Variants in ILKAP observed in about 807,000 individuals in gnomAD.
ILKAP encodes ILK associated serine/threonine phosphatase, also known as integrin-linked kinase-associated serine/threonine phosphatase 2C.
Under a neutral mutation model 49.1 loss-of-function variants are expected in ILKAP, and 11 were observed. The ratio of observed to expected loss-of-function variants is 0.22; its 90% CI spans 0.14 to 0.37. The LOEUF (loss-of-function observed/expected upper bound fraction) is 0.37, where lower values mean the gene tolerates loss of function less well. ILKAP is among the 10% of genes least tolerant of loss of function. The pLI, the probability that ILKAP is intolerant of heterozygous loss-of-function variation, is 1.00. For missense variants in ILKAP, 363 were observed against 510.8 expected (o/e 0.71, Z 2.79); for synonymous variants, 186 against 192.8 (o/e 0.96, Z 0.29).
chr2:238,190,895 AAAAAAAAAAAGGAT>A (rs1173429632), intron 3 of ILKAP, among the ~76,000 whole-genome samples: 13 of 151,558 alleles, frequency 8.6e-5, no homozygotes, highest in African/African-American at 3.1e-4. Flanking sequence ...AAAAAAAAAA[AAAAAAAAAAAGGAT>A]GCAAGTACTT....
chr2:238,199,796 A>G (rs1694495163), intron 1 of ILKAP, among the ~76,000 whole-genome samples: 5 of 151,170 alleles, frequency 3.3e-5, no homozygotes, highest in Admixed American at 3.3e-4. Context: ...TTTTAATCGT[A>G]GAGACAGGGG....
At chr2:238,192,898 A>T (rs559946258) in intron 3 of ILKAP, among the ~76,000 whole-genome samples, 21 of 152,064 alleles carry the variant, frequency 1.4e-4, no homozygotes, top group African/African-American at 4.6e-4. Flanking sequence ...CTGTAGTCCC[A>T]ACTACTCAGG....
intron 1 of ILKAP, among the ~76,000 whole-genome samples, chr2:238,198,031 G>A (rs1473102221): frequency 6.6e-6 from 1 of 151,984 alleles, no homozygotes; most frequent in East Asian, 1.9e-4. Context: ...CCATACATGG[G>A]CACCCTTCCA....
chr2:238,185,572 G>C (rs1574793538), intron 5 of ILKAP: 1 of 274,638 alleles, frequency 3.6e-6, no homozygotes, highest in South Asian at 4.2e-5. Flanking sequence ...GGGAGGCCGA[G>C]GCAGGCGGAT....
Position 238,203,581 on chromosome 2 carries a change from G to C in ILKAP, c.-28C>G, listed in dbSNP as rs1186906325. 4 of 1,145,142 alleles carry C rather than the reference G, an allele frequency of 3.5e-6. No individual in the cohort carries two copies. Among genetic ancestry groups the C allele is most frequent in the Non-Finnish European group, 4.3e-6 (4 of 929,628 alleles). The allele number at this position is 1,145,142 out of a possible 1,614,324, so 70.9% of individuals were successfully genotyped here. A position where few individuals can be genotyped will look rare whatever the true frequency, so the allele number is the denominator to read the frequency against. On this transcript the variant is annotated 5_prime_UTR_variant, in exon 1 of 12. Transcript: ENST00000254654. ...CGGAGGCTGGGTGGAGGCGGCAGCA[G>C]CGACAGACACTCAGCCCGCGAGCAG...
At chr2:238,173,749 AAAG>A in intron 9 of ILKAP, 96 bp from the exon 10 acceptor site, 1 of 1,342,516 alleles carries the variant, frequency 7.4e-7, no homozygotes, top group Non-Finnish European at 1.0e-6. Flanking sequence ...TGGAAGTGTG[AAAG>A]ATACAGACTG....
chr2:238,203,357 G>A (rs1245063324), intron 1 of ILKAP, 142 bp downstream of exon 1: 1 of 220,616 alleles, frequency 4.5e-6, no homozygotes, highest in Non-Finnish European at 8.2e-6. Flanking sequence ...ACGGGGCCTG[G>A]CCAGGCAGGA....
intron 1 of ILKAP, among the ~76,000 whole-genome samples, chr2:238,202,930 G>A (rs964598554): frequency 2.0e-5 from 3 of 151,280 alleles, no homozygotes; most frequent in Admixed American, 6.6e-5. Flanking sequence ...CAAAATCACA[G>A]GATGACAGAG....
chr2:238,175,507 T>G (rs1180293086), intron 9 of ILKAP, among the ~76,000 whole-genome samples: 1 of 152,188 alleles, frequency 6.6e-6, no homozygotes, highest in Admixed American at 6.5e-5. Context: ...TTGGTAACGA[T>G]GAGGCAAGCT....
At chr2:238,184,154 G>GATAATCTTCCCTCCTT in intron 6 of ILKAP, 41 bp from the exon 7 acceptor site, 5 of 1,100,086 alleles carry the variant, frequency 4.5e-6, no homozygotes, top group Non-Finnish European at 7.0e-6. Flanking sequence ...TCTCAAGGAG[G>GATAATCTTCCCTCCTT]GAAGATTATC....
At chr2:238,175,122 CT>C (rs34662576) in intron 9 of ILKAP, among the ~76,000 whole-genome samples, 71 of 147,976 alleles carry the variant, frequency 4.8e-4, no homozygotes, top group Admixed American at 4.7e-4. Flanking sequence ...CTCATTCTCT[CT>C]TTTTTTTTTT....
At chr2:238,203,465 CT>C in intron 1 of ILKAP, 33 bp downstream of exon 1, 2 of 1,219,526 alleles carry the variant, frequency 1.6e-6, no homozygotes, top group African/African-American at 1.6e-5. Flanking sequence ...CCTGCTCTCC[CT>C]TCCCTGGCCG....
At chr2:238,203,322 T>C (rs1694655424) in intron 1 of ILKAP, among the ~76,000 whole-genome samples, 177 bp downstream of exon 1, 1 of 150,374 alleles carries the variant, frequency 6.7e-6, no homozygotes, top group South Asian at 2.1e-4. Context: ...CGACCGGGCC[T>C]CCGACAGGGC....
intron 6 of ILKAP, 72 bp downstream of exon 6, chr2:238,185,109 T>G (rs1299880825): frequency 3.3e-6 from 3 of 922,108 alleles, no homozygotes; most frequent in Non-Finnish European, 5.3e-6. Context: ...ATAACACATC[T>G]GACTGCTTCA....
chr2:238,170,839 A>G (rs756396416), intron 11 of ILKAP, 104 bp downstream of exon 11: 2 of 1,444,402 alleles, frequency 1.4e-6, no homozygotes, highest in African/African-American at 2.8e-5. Flanking sequence ...AAAAGGGCAC[A>G]AGGGCTGTCC....
At chr2:238,187,909 A>G (rs552037837) in intron 5 of ILKAP, among the ~76,000 whole-genome samples, 1 of 152,282 alleles carries the variant, frequency 6.6e-6, no homozygotes, top group East Asian at 1.9e-4. Context: ...TACCCACCAG[A>G]TGCCAGTAAC....
chr2:238,200,129 T>TA (rs1694509011), intron 1 of ILKAP, among the ~76,000 whole-genome samples: 1 of 152,208 alleles, frequency 6.6e-6, no homozygotes, highest in South Asian at 2.1e-4. Flanking sequence ...CTGCCAATCT[T>TA]AAAGACATCA....
At chr2:238,194,535 T>C (rs1694268082) in intron 2 of ILKAP, 2 of 612,550 alleles carry the variant, frequency 3.3e-6, no homozygotes, top group Non-Finnish European at 5.8e-6. Context: ...AAATCTGCCT[T>C]AAAAAGTTAA....
chr2:238,190,742 G>C (rs938092052), intron 3 of ILKAP, among the ~76,000 whole-genome samples: 1 of 152,182 alleles, frequency 6.6e-6, no homozygotes, highest in East Asian at 1.9e-4. Context: ...CTGCATTTAG[G>C]TATAAAAGTA....
Sources: gnomAD v4.1 joint callset for allele counts (sites outside exome capture counted in the v4.1 genomes callset) on GRCh38, gnomAD v4.1.1 for gene constraint, MANE v1.5 for transcripts, NCBI Gene and HGNC (gene_info 2026-07-23, HGNC 2026-07-21) for gene names.